PPP1R12B: variants seen among roughly 807,000 people sequenced by gnomAD.
PPP1R12B encodes protein phosphatase 1 regulatory subunit 12B, also known as myosin phosphatase target subunit 2.
In PPP1R12B, 76 loss-of-function variants were observed where a neutral mutation model predicts 126.1. The ratio of observed to expected loss-of-function variants is 0.60; its 90% CI spans 0.50 to 0.73. PPP1R12B has a LOEUF of 0.73. Ranked by LOEUF, PPP1R12B falls within the 30% of genes least tolerant of loss-of-function variation. The pLI is 0.00. For missense variants in PPP1R12B, 1,052 were observed against 1,205.1 expected (o/e 0.87, Z 1.88); for synonymous variants, 356 against 434.7 (o/e 0.82, Z 2.25).
At chr1:202,371,790 C>T (rs1161346668) in intron 1 of PPP1R12B, among the ~76,000 whole-genome samples, 1 of 150,768 alleles carries the variant, frequency 6.6e-6, no homozygotes, top group East Asian at 1.9e-4. Flanking sequence ...AAACATGGTG[C>T]GTTATTCAAA....
chr1:202,431,467 A>C lies in PPP1R12B; in HGVS notation c.1002-13A>C. On this transcript the variant is annotated splice_polypyrimidine_tract_variant and intron_variant, in intron 7 of 23. Coordinates refer to ENST00000608999, the MANE Select transcript of PPP1R12B (RefSeq NM_002481.4). ...ATTTCTGAATTATACTCAAGTTGTC[A>C]TCTTTAATTTAGCAAAGAGAAGATG... The C allele has an allele frequency of 6.3e-7, 1 of 1,581,540 alleles. No individual in the cohort carries two copies. Among genetic ancestry groups the C allele is most frequent in the Non-Finnish European group, 8.6e-7 (1 of 1,168,934 alleles).
chr1:202,556,777 G>GCT (rs1686997718), intron 18 of PPP1R12B, among the ~76,000 whole-genome samples: 1 of 152,146 alleles, frequency 6.6e-6, no homozygotes, highest in African/African-American at 2.4e-5. Flanking sequence ...CCTCTACAGG[G>GCT]CTCTGCACAC....
At chr1:202,563,815 C>G (rs1483147675) in intron 20 of PPP1R12B, among the ~76,000 whole-genome samples, 2 of 152,112 alleles carry the variant, frequency 1.3e-5, no homozygotes, top group East Asian at 3.9e-4. Context: ...TGCCTGTAAT[C>G]CCAGCACGTT....
chr1:202,355,827 T>G (rs1186563001), intron 1 of PPP1R12B, among the ~76,000 whole-genome samples: 1 of 152,162 alleles, frequency 6.6e-6, no homozygotes, highest in African/African-American at 2.4e-5. Context: ...GTAGAAATAG[T>G]ATTCAGTCAA....
rs567229004 is a variant in PPP1R12B, at chr1:202,375,263, C to G, written c.291+26121C>G. On this transcript the variant is annotated intron_variant, in intron 1 of 23. Transcript: ENST00000608999. The stretch of plus-strand genomic sequence containing the variant: ...CTGGCCTCTCAAACTATTTTCTATG[C>G]TTCAGCCAGGAAAACCTGAATATTT... Among the ~76,000 whole-genome samples the G allele has an allele frequency of 2.0e-5, 3 of 152,308 alleles. No homozygotes were observed. In the East Asian group the frequency reaches 5.8e-4, roughly 29 times the overall value.
intron 1 of PPP1R12B, among the ~76,000 whole-genome samples, chr1:202,379,893 T>C (rs1030188360): frequency 9.2e-5 from 14 of 152,210 alleles, no homozygotes; most frequent in Admixed American, 2.0e-4. Context: ...AATTTCAATT[T>C]AGTAGATCTG....
chr1:202,357,612 A>T (rs1026374946), intron 1 of PPP1R12B, among the ~76,000 whole-genome samples: 1 of 152,214 alleles, frequency 6.6e-6, no homozygotes, highest in Non-Finnish European at 1.5e-5. Flanking sequence ...TAAACCTGAT[A>T]ATAGGGGCAA....
chr1:202,559,691 A>G (rs370828664), intron 19 of PPP1R12B, among the ~76,000 whole-genome samples: 2 of 152,188 alleles, frequency 1.3e-5, no homozygotes, highest in South Asian at 4.1e-4. Flanking sequence ...TTTCCTTATA[A>G]TTTGTTTGGT....
intron 1 of PPP1R12B, among the ~76,000 whole-genome samples, chr1:202,364,759 G>T (rs1378985262): frequency 1.3e-5 from 2 of 152,070 alleles, no homozygotes; most frequent in African/African-American, 2.4e-5. Flanking sequence ...TGTATTTTTA[G>T]TAGAGACGGG....
At chr1:202,534,267 A>G (rs1684299619) in intron 18 of PPP1R12B, among the ~76,000 whole-genome samples, 1 of 152,172 alleles carries the variant, frequency 6.6e-6, no homozygotes, top group Admixed American at 6.5e-5. Context: ...CTTCTAGCAC[A>G]AGAGATCAGG....
At chr1:202,398,591 A>G (rs980484356) in intron 1 of PPP1R12B, among the ~76,000 whole-genome samples, 1 of 152,190 alleles carries the variant, frequency 6.6e-6, no homozygotes, top group African/African-American at 2.4e-5. Flanking sequence ...CATGCTGGTT[A>G]GCCTAGAATT....
intron 1 of PPP1R12B, among the ~76,000 whole-genome samples, chr1:202,408,167 T>A (rs912077912): frequency 1.3e-5 from 2 of 152,166 alleles, no homozygotes; most frequent in African/African-American, 4.8e-5. Context: ...TCTTGGCATA[T>A]GATTTCTTGG....
chr1:202,542,636 A>G (rs1685241579), intron 18 of PPP1R12B, among the ~76,000 whole-genome samples: 1 of 152,198 alleles, frequency 6.6e-6, no homozygotes. Context: ...TTATAGGCCA[A>G]GGGAGGGAAT....
At chr1:202,416,737 T>G in intron 1 of PPP1R12B, 50 bp from the exon 2 acceptor site, 1 of 1,562,290 alleles carries the variant, frequency 6.4e-7, no homozygotes, top group Non-Finnish European at 8.8e-7. Context: ...TGGCACATAG[T>G]GGAACTCAAT....
At chr1:202,470,903 C>T (rs1259910864) in intron 13 of PPP1R12B, among the ~76,000 whole-genome samples, 1 of 119,442 alleles carries the variant, frequency 8.4e-6, no homozygotes, top group Non-Finnish European at 1.8e-5. Context: ...AAGACCTCAT[C>T]TCAAAAAAAA....
chr1:202,419,995 A>G lies in PPP1R12B; in HGVS notation c.423-2625A>G, dbSNP rs1668547205. On this transcript the variant is annotated intron_variant, in intron 2 of 23. Transcript: ENST00000608999. The surrounding 1 kb of genome is among the most constrained non-coding windows in gnomAD (Gnocchi z 4.6). ...GAATAGTCAATTAAATGTTCATCTC[A>G]CGCTCAGTAAATCTCACTTTACATA... Among the ~76,000 whole-genome samples, 1 of 152,178 alleles carries G rather than the reference A, an allele frequency of 6.6e-6. No homozygotes were observed. Among genetic ancestry groups the G allele is most frequent in the Non-Finnish European group, 1.5e-5 (1 of 68,040 alleles).
rs1294621350 is a variant in PPP1R12B, at chr1:202,583,824, G to A, written c.*3264G>A. On this transcript the variant is annotated 3_prime_UTR_variant, in exon 24 of 24. Transcript: ENST00000608999. ...TAGCTGCAGACATGGCCAACAACATGGGGCTCAGGTCTGTCACTTAACTTA... is the reference window on the plus strand; with the variant it reads ...TAGCTGCAGACATGGCCAACAACATAGGGCTCAGGTCTGTCACTTAACTTA... 1 of 152,170 alleles carries A rather than the reference G, an allele frequency of 6.6e-6. No individual in the cohort carries two copies. The highest frequency in any genetic ancestry group is 1.5e-5 in the Non-Finnish European group (1 of 68,036). 9.4% of individuals were successfully genotyped at this position (152,170 alleles called of 1,614,324 possible).
intron 1 of PPP1R12B, among the ~76,000 whole-genome samples, chr1:202,364,433 C>A (rs1180706939): frequency 6.6e-6 from 1 of 152,022 alleles, no homozygotes; most frequent in African/African-American, 2.4e-5. Flanking sequence ...TACTACTAAG[C>A]AACATGATAA....
intron 10 of PPP1R12B, chr1:202,440,025 GA>G (rs1013352318): frequency 9.2e-5 from 14 of 152,050 alleles, no homozygotes; most frequent in Middle Eastern, 3.4e-3. Flanking sequence ...TTAGTACTTA[GA>G]AAAAAAAAAT....
Sources: gnomAD v4.1 joint callset for allele counts (sites outside exome capture counted in the v4.1 genomes callset) on GRCh38, gnomAD v4.1.1 for gene constraint, Gnocchi (gnomAD v3.1) non-coding constraint, MANE v1.5 for transcripts, NCBI Gene and HGNC (gene_info 2026-07-23, HGNC 2026-07-21) for gene names.